The following IQCB1 variants were observed in gnomAD, a reference collection of about 807,000 sequenced individuals.
IQCB1 encodes IQ motif containing B1.
Under a neutral mutation model 84.4 loss-of-function variants are expected in IQCB1, and 56 were observed. The observed-to-expected ratio is 0.66, with a 90% CI of 0.54 to 0.83. The LOEUF (loss-of-function observed/expected upper bound fraction) is 0.83, where lower values mean the gene tolerates loss of function less well. Ranked by LOEUF, IQCB1 falls within the 40% of genes least tolerant of loss-of-function variation. The probability of loss-of-function intolerance (pLI) is 0.00; values close to 1 mark genes in which losing one functional copy is unlikely to be tolerated. For synonymous variants in IQCB1, 210 were observed against 234.8 expected (o/e 0.89, Z 0.96); for missense variants, 629 against 682.1 (o/e 0.92, Z 0.87).
intron 9 of IQCB1, 26 bp downstream of exon 9, chr3:121,797,092 A>AT: frequency 2.6e-6 from 3 of 1,144,962 alleles, no homozygotes; most frequent in Non-Finnish European, 4.0e-6. Flanking sequence ...AATATCATGC[A>AT]ATTTTTTTTT....
At chr3:121,789,979 A>AT (rs1553712055) in intron 11 of IQCB1, 94 bp downstream of exon 11, 58 of 1,119,538 alleles carry the variant, frequency 5.2e-5, no homozygotes, top group Non-Finnish European at 6.8e-5. Context: ...AAAAGTCCAA[A>AT]TTTAAAAAAA....
chr3:121,784,970 C>T (rs936075608), intron 12 of IQCB1, among the ~76,000 whole-genome samples: 1 of 152,142 alleles, frequency 6.6e-6, no homozygotes, highest in African/African-American at 2.4e-5. Context: ...TCACCGTGCC[C>T]GGCCTTGTTT....
intron 4 of IQCB1, among the ~76,000 whole-genome samples, chr3:121,828,104 C>T (rs1950518375): frequency 6.6e-6 from 1 of 152,062 alleles, no homozygotes; most frequent in Non-Finnish European, 1.5e-5. Flanking sequence ...TGCTTTGTAT[C>T]ATATACTTAC....
At chr3:121,786,170 CAAAAG>C (rs778485380) in intron 12 of IQCB1, among the ~76,000 whole-genome samples, 797 of 72,882 alleles carry the variant, frequency 0.011, 52 homozygotes, top group East Asian at 0.062. Flanking sequence ...GATTCTGTCT[CAAAAG>C]AAAAGAAAAG....
chr3:121,827,970 T>C (rs1158436169), intron 4 of IQCB1, among the ~76,000 whole-genome samples: 1 of 152,124 alleles, frequency 6.6e-6, no homozygotes, highest in Non-Finnish European at 1.5e-5. Context: ...TTATTGACAG[T>C]ATTTGGGTTG....
At chr3:121,784,707 G>C (rs9854863) in intron 12 of IQCB1, among the ~76,000 whole-genome samples, 24,551 of 151,964 alleles carry the variant, frequency 0.16, 2,621 homozygotes, top group East Asian at 0.63. Flanking sequence ...TCTAAGACAG[G>C]GTCTCACTCT....
intron 12 of IQCB1, among the ~76,000 whole-genome samples, chr3:121,785,485 T>C (rs907984934): frequency 6.6e-6 from 1 of 152,100 alleles, no homozygotes; most frequent in Non-Finnish European, 1.5e-5. Context: ...TTACTTTCAA[T>C]GAGGCTAATG....
In IQCB1 at chr3:121,813,177, G is replaced by A. The variant is rs7649402; in HGVS notation, c.394-4168C>T. ...TCATATCTAGCCAAACTAAGCTTATGAAGCTTATGAAGGAGAAATAAAATC... is the reference window on the plus strand; with the variant it reads ...TCATATCTAGCCAAACTAAGCTTATAAAGCTTATGAAGGAGAAATAAAATC... On this transcript the variant is annotated intron_variant, in intron 5 of 14. Coordinates refer to ENST00000310864, the MANE Select transcript of IQCB1 (RefSeq NM_001023570.4). Among the ~76,000 whole-genome samples, 531 of 151,640 alleles carry A rather than the reference G, an allele frequency of 3.5e-3. 5 individuals are homozygous for A. Among genetic ancestry groups the A allele is most frequent in the African/African-American group, 0.012 (515 of 41,468 alleles).
At chr3:121,833,989 T>C (rs939605456) in intron 2 of IQCB1, 6 of 152,230 alleles carry the variant, frequency 3.9e-5, no homozygotes, top group African/African-American at 1.4e-4. Flanking sequence ...TTTCCCAATT[T>C]GAACAATGAG....
intron 7 of IQCB1, among the ~76,000 whole-genome samples, chr3:121,800,973 T>C (rs538619480): frequency 3.9e-5 from 6 of 152,096 alleles, no homozygotes; most frequent in African/African-American, 1.4e-4. Context: ...CCTAGACTTG[T>C]TTGTATCTGA....
At chr3:121,802,148 G>A (rs1353060031) in intron 7 of IQCB1, among the ~76,000 whole-genome samples, 1 of 151,920 alleles carries the variant, frequency 6.6e-6, no homozygotes, top group Non-Finnish European at 1.5e-5. Flanking sequence ...TGACCTTATA[G>A]AATGAGTTGT....
chr3:121,777,037 T>G (rs1355959800), intron 13 of IQCB1, among the ~76,000 whole-genome samples: 2 of 152,206 alleles, frequency 1.3e-5, no homozygotes, highest in Admixed American at 1.3e-4. Context: ...GAATCATGCT[T>G]CTGGTATTGT....
chr3:121,792,194 T>A (rs1249360762), intron 10 of IQCB1, among the ~76,000 whole-genome samples: 1 of 152,210 alleles, frequency 6.6e-6, no homozygotes. Flanking sequence ...TTTTACACTA[T>A]TAGTATGAAA....
rs776023179 is a variant in IQCB1, at chr3:121,828,555, G to A, written c.178C>T (p.Gln60Ter). Residue 60 changes from glutamine to a stop codon, truncating the protein, a stop_gained, in exon 4 of 15, where the codon CAA (glutamine) becomes TAA (stop). Coordinates refer to ENST00000310864, the MANE Select transcript of IQCB1 (RefSeq NM_001023570.4). LOFTEE classifies it high-confidence loss of function. ...TGACTGAGGACCAAGAGGCAATATTGAATGAGATCATAACAATATATATCT... is the reference window on the plus strand; with the variant it reads ...TGACTGAGGACCAAGAGGCAATATTAAATGAGATCATAACAATATATATCT... Reference protein sequence around the residue: ...KQDIYCYDLIQYCLLVLSQDY... With the variant: ...KQDIYCYDLI 5 of 1,607,214 alleles carry A rather than the reference G, an allele frequency of 3.1e-6. No homozygotes were observed. Among genetic ancestry groups the A allele is most frequent in the Non-Finnish European group, 4.3e-6 (5 of 1,173,864 alleles).
chr3:121,800,916 TA>T (rs1559776935), intron 7 of IQCB1, among the ~76,000 whole-genome samples: 1 of 151,978 alleles, frequency 6.6e-6, no homozygotes, highest in Non-Finnish European at 1.5e-5. Context: ...TTCATCAGTA[TA>T]ACTTCCCAAA....
At chr3:121,800,302 C>T (rs558751948) in intron 7 of IQCB1, among the ~76,000 whole-genome samples, 1 of 152,050 alleles carries the variant, frequency 6.6e-6, no homozygotes, top group East Asian at 1.9e-4. Flanking sequence ...TTTGTTCCCT[C>T]ATTAATGAGT....
At chr3:121,777,024 T>C (rs929865519) in intron 13 of IQCB1, among the ~76,000 whole-genome samples, 1 of 152,236 alleles carries the variant, frequency 6.6e-6, no homozygotes, top group Non-Finnish European at 1.5e-5. Flanking sequence ...AATTTTCCTT[T>C]TTGAATCATG....
At chr3:121,803,626 TG>T (rs1261802966) in intron 7 of IQCB1, among the ~76,000 whole-genome samples, 1 of 152,244 alleles carries the variant, frequency 6.6e-6, no homozygotes, top group African/African-American at 2.4e-5. Flanking sequence ...TTTTTGCTTG[TG>T]TATTTTAAAA....
At chr3:121,805,100 G>GTGTC (rs1004240525) in intron 7 of IQCB1, among the ~76,000 whole-genome samples, 24 of 152,114 alleles carry the variant, frequency 1.6e-4, no homozygotes, top group Admixed American at 2.6e-4. Context: ...ATAATAACTA[G>GTGTC]TGTCCTTGTC....
Sources: gnomAD v4.1 joint callset for allele counts (sites outside exome capture counted in the v4.1 genomes callset) on GRCh38, gnomAD v4.1.1 for gene constraint, MANE v1.5 for transcripts, NCBI Gene and HGNC (gene_info 2026-07-23, HGNC 2026-07-21) for gene names.